RGS12: variants seen among roughly 807,000 people sequenced by gnomAD.
RGS12 encodes regulator of G-protein signaling 12.
RGS12 carries 66 observed loss-of-function variants against 120.1 expected under a neutral mutation model. That is an observed-to-expected ratio of 0.55 (90% CI 0.45 to 0.67). The LOEUF (loss-of-function observed/expected upper bound fraction) is 0.67. Among genes scored for constraint, RGS12 ranks in the 30% least tolerant of loss-of-function variants. RGS12 has a pLI of 0.00. For missense variants in RGS12, 1,859 were observed against 1,957.7 expected, an observed-to-expected ratio of 0.95 and a Z score of 0.95; for synonymous variants, 827 against 804.7, an observed-to-expected ratio of 1.03 and a Z score of -0.47.
chr4:3,403,371 C>T (rs1341204054), intron 4 of RGS12, among the ~76,000 whole-genome samples: 2 of 152,320 alleles, frequency 1.3e-5, no homozygotes, highest in Admixed American at 6.5e-5. Context: ...AGCTCCTCTG[C>T]AGGGCTGTGA....
chr4:3,377,082 G>T (rs1255329398), intron 3 of RGS12, among the ~76,000 whole-genome samples: 2 of 151,552 alleles, frequency 1.3e-5, no homozygotes, highest in Non-Finnish European at 2.9e-5. Context: ...TGTGATCACG[G>T]CTCACTGCAG....
In RGS12 at chr4:3,425,504, C is replaced by G. The variant is rs547059462; in HGVS notation, c.3275C>G (p.Ser1092Trp). 6.2e-7 allele frequency: 1 copy of G among 1,611,872 alleles called. No individual in the cohort carries two copies. The highest frequency in any genetic ancestry group is 8.5e-7 in the Non-Finnish European group (1 of 1,179,734). ...KEPLDLGAPISSLDGQRVVLE... is the reference protein window; with the variant it reads ...KEPLDLGAPIWSLDGQRVVLE... ...CCCCTGGACCTTGGCGCCCCTATAT[C>G]GAGTCTGGACGGACAGCGGGTTGTC... The change falls in exon 14 of 18, where the codon TCG (serine) becomes TGG (tryptophan). Residue 1092 changes from serine (S) to tryptophan (W), a missense_variant. By Grantham distance (177) the Ser-to-Trp change is radical (BLOSUM62 -3). This residue lies in a region of RGS12 where 517 missense variants were observed against 488.5 expected (regional missense o/e 1.06). Coordinates refer to ENST00000336727, the MANE Select transcript of RGS12 (RefSeq NM_001394154.1).
chr4:3,362,703 G>T (rs1190489163), intron 3 of RGS12, among the ~76,000 whole-genome samples: 1 of 147,242 alleles, frequency 6.8e-6, no homozygotes, highest in African/African-American at 2.5e-5. Flanking sequence ...GAGGGTGTGT[G>T]TGAGGCTGTG....
At chr4:3,294,395 G>A (rs766460289) in intron 1 of RGS12, among the ~76,000 whole-genome samples, 14 of 152,262 alleles carry the variant, frequency 9.2e-5, no homozygotes, top group Non-Finnish European at 1.8e-4. Flanking sequence ...AGAAGGCGAC[G>A]TGGGGAGGGC....
chr4:3,296,693 C>T lies in RGS12; in HGVS notation c.-102+3594C>T, dbSNP rs144683464. Among the ~76,000 whole-genome samples, 122 of 152,316 alleles carry T rather than the reference C, an allele frequency of 8.0e-4. 1 individual carries two copies. The highest frequency in any genetic ancestry group is 2.4e-3 in the African/African-American group (99 of 41,570). ...ATGACTTCACTTTTCCCATTGTGTG[C>T]GAGGAGCACCCGTCTCATGCCTCTT... On this transcript the variant is annotated intron_variant, in intron 1 of 17. Coordinates refer to ENST00000336727, the MANE Select transcript of RGS12 (RefSeq NM_001394154.1).
At chr4:3,427,326 T>C (rs935893561) in intron 14 of RGS12, among the ~76,000 whole-genome samples, 2 of 152,174 alleles carry the variant, frequency 1.3e-5, no homozygotes, top group African/African-American at 4.8e-5. Context: ...TAGGGCTGTA[T>C]GTGGGGCAGG....
At chr4:3,354,503 G>C (rs1203003451) in intron 3 of RGS12, among the ~76,000 whole-genome samples, 1 of 152,154 alleles carries the variant, frequency 6.6e-6, no homozygotes, top group Non-Finnish European at 1.5e-5. Context: ...ATGAACCTGG[G>C]CATTACATGT....
chr4:3,423,830 A>G (rs1723304657), intron 13 of RGS12, 189 bp downstream of exon 13: 3 of 667,810 alleles, frequency 4.5e-6, no homozygotes, highest in East Asian at 5.8e-5. Context: ...GGGAGCCATC[A>G]TGGTTTATTT....
At chr4:3,330,354 G>T (rs368441542) in intron 2 of RGS12, among the ~76,000 whole-genome samples, 1 of 152,302 alleles carries the variant, frequency 6.6e-6, no homozygotes, top group African/African-American at 2.4e-5. Flanking sequence ...TCTTTCATTA[G>T]CAAGTTTACA....
At position 3,417,547 on chromosome 4, in the gene RGS12, TG is replaced by T; in HGVS notation, c.2761+10del. On this transcript the variant is annotated splice_region_variant and intron_variant, in intron 9 of 17. Transcript: ENST00000336727. The stretch of plus-strand genomic sequence containing the variant: ...GCACGGGGACCACGCAGACGGTTTG[TG>T]GGGTGGCTCCTGGGCTGTGGTGTCC... 2 of 1,612,182 alleles carry T rather than the reference TG, an allele frequency of 1.2e-6. No individual in the cohort carries two copies. The highest frequency in any genetic ancestry group is 8.5e-7 in the Non-Finnish European group (1 of 1,179,542).
intron 1 of RGS12, among the ~76,000 whole-genome samples, chr4:3,293,558 A>G (rs888549073): frequency 2.0e-5 from 3 of 151,962 alleles, no homozygotes; most frequent in African/African-American, 7.2e-5. Flanking sequence ...CGAGACCCGA[A>G]CTCCAGACGC....
chr4:3,412,589 C>T (rs147252249), intron 4 of RGS12, among the ~76,000 whole-genome samples: 119 of 152,378 alleles, frequency 7.8e-4, no homozygotes, highest in Middle Eastern at 3.4e-3. Flanking sequence ...TTATCCTGCG[C>T]ACCGTGCCAC....
At chr4:3,425,361 C>T in intron 13 of RGS12, 103 bp from the exon 14 acceptor site, 2 of 1,035,120 alleles carry the variant, frequency 1.9e-6, no homozygotes, top group Non-Finnish European at 3.0e-6. Context: ...TCCTGCGTGA[C>T]TCCATCAAGC....
intron 3 of RGS12, among the ~76,000 whole-genome samples, chr4:3,382,101 G>A (rs1480251264): frequency 2.6e-5 from 4 of 152,124 alleles, no homozygotes; most frequent in African/African-American, 9.7e-5. Context: ...TTCCTTTGTG[G>A]CTAGTTACGT....
chr4:3,379,526 C>G (rs571176862), intron 3 of RGS12, among the ~76,000 whole-genome samples: 1 of 152,260 alleles, frequency 6.6e-6, no homozygotes, highest in East Asian at 1.9e-4. Context: ...TTGTATTAGT[C>G]TGTTCTCGTG....
intron 10 of RGS12, among the ~76,000 whole-genome samples, chr4:3,421,640 C>G (rs1032658252): frequency 2.0e-5 from 3 of 152,210 alleles, no homozygotes; most frequent in African/African-American, 7.2e-5. Flanking sequence ...ACCCTTCGTT[C>G]GCCTCACTCA....
intron 17 of RGS12, among the ~76,000 whole-genome samples, chr4:3,434,456 G>T (rs531326106): frequency 3.3e-5 from 5 of 152,200 alleles, no homozygotes; most frequent in East Asian, 3.9e-4. Flanking sequence ...GGCATGTGTC[G>T]GTGTGTGCAC....
chr4:3,319,165 G>A (rs766180876), intron 2 of RGS12, among the ~76,000 whole-genome samples: 5 of 152,126 alleles, frequency 3.3e-5, no homozygotes, highest in Non-Finnish European at 5.9e-5. Flanking sequence ...CGTGGCACAC[G>A]CCTGTAACTG....
At chr4:3,422,174 C>T (rs576487180) in intron 10 of RGS12, among the ~76,000 whole-genome samples, 55 of 152,322 alleles carry the variant, frequency 3.6e-4, no homozygotes, top group Non-Finnish European at 5.6e-4. Context: ...ACCGCTCTCT[C>T]GTGTTAATTC....
Sources: allele counts gnomAD v4.1 joint callset (sites outside exome capture counted in the v4.1 genomes callset), GRCh38; gene constraint gnomAD v4.1.1; regional missense constraint gnomAD v4.1.1; transcripts MANE v1.5; gene names NCBI Gene and HGNC (gene_info 2026-07-23, HGNC 2026-07-21).